SLC5A12: variants seen among roughly 807,000 people sequenced by gnomAD.
The protein encoded by SLC5A12 is sodium-coupled monocarboxylate transporter 2.
In SLC5A12, 46 loss-of-function variants were observed where a neutral mutation model predicts 72.7. The observed-to-expected ratio is 0.63, with a 90% CI of 0.50 to 0.81. The LOEUF is 0.81. Among genes scored for constraint, SLC5A12 ranks in the 30% least tolerant of loss-of-function variants. The pLI is 0.00. For missense variants in SLC5A12, 683 were observed against 740.7 expected (o/e 0.92, Z 0.90); for synonymous variants, 275 against 264.4 (o/e 1.04, Z -0.39).
rs142325334 is a variant in SLC5A12, at chr11:26,674,128, T to C, written c.1580-599A>G. 3.3e-3 allele frequency among the ~76,000 whole-genome samples: 500 copies of C among 151,434 alleles called. 5 individuals are homozygous for C. Among genetic ancestry groups the C allele is most frequent in the African/African-American group, 0.012 (478 of 40,802 alleles). The stretch of plus-strand genomic sequence containing the variant: ...ATCCTGCTGTGGAACAAGAGTCAAA[T>C]TGATATTCAAACCAAGATGTAAAGG... On this transcript the variant is annotated intron_variant, in intron 13 of 14. Transcript: ENST00000396005.
chr11:26,672,695 T>C (rs1398699011), intron 14 of SLC5A12, among the ~76,000 whole-genome samples: 4 of 152,114 alleles, frequency 2.6e-5, no homozygotes, highest in Admixed American at 2.0e-4. Context: ...AAGTCCAATT[T>C]TGTCTAACTA....
At position 26,667,206 on chromosome 11, in the gene SLC5A12, C is replaced by A. The variant is rs1854015018; in HGVS notation, c.*3896G>T. On this transcript the variant is annotated 3_prime_UTR_variant, in exon 15 of 15. Transcript: ENST00000396005. ...TAATTTGCAATATTGAGATTAAGTA[C>A]ATGAGACTTGTAAATATACAAATGT... 1 of 151,808 alleles carries A rather than the reference C, an allele frequency of 6.6e-6. No individual in the cohort carries two copies. Among genetic ancestry groups the A allele is most frequent in the African/African-American group, 2.4e-5 (1 of 41,400 alleles). 9.4% of individuals were successfully genotyped at this position (151,808 alleles called of 1,614,324 possible). A position where few individuals can be genotyped will look rare whatever the true frequency, so the allele number is the denominator to read the frequency against.
chr11:26,689,792 T>C (rs914729641), intron 9 of SLC5A12, among the ~76,000 whole-genome samples: 3 of 152,266 alleles, frequency 2.0e-5, no homozygotes, highest in East Asian at 1.9e-4. Context: ...AAAAATATGA[T>C]GGATTAATGG....
chr11:26,691,463 G>T (rs1249433300), intron 9 of SLC5A12, among the ~76,000 whole-genome samples: 4 of 150,118 alleles, frequency 2.7e-5, no homozygotes, highest in African/African-American at 9.8e-5. Context: ...TTATGTACAT[G>T]TTTTTTTTTG....
intron 2 of SLC5A12, among the ~76,000 whole-genome samples, 190 bp from the exon 3 acceptor site, chr11:26,711,548 G>T (rs1855229828): frequency 6.6e-6 from 1 of 152,086 alleles, no homozygotes; most frequent in African/African-American, 2.4e-5. Flanking sequence ...GTAATCATTA[G>T]ATGGAGGAAG....
intron 11 of SLC5A12, among the ~76,000 whole-genome samples, chr11:26,681,758 A>G (rs1854416287): frequency 1.3e-5 from 2 of 152,132 alleles, no homozygotes; most frequent in East Asian, 1.9e-4. Flanking sequence ...ATAAATAGTG[A>G]AAAGTCAAAG....
chr11:26,668,686 A>C lies in SLC5A12; in HGVS notation c.*2416T>G, dbSNP rs753080965. On this transcript the variant is annotated 3_prime_UTR_variant, in exon 15 of 15. Coordinates refer to ENST00000396005, the MANE Select transcript of SLC5A12 (RefSeq NM_178498.4). Reference sequence around the variant, plus strand: ...TCTACCTGAAACCCTAGATTTATGCATGTTTGTTCAATTAAGAAGAATGGG... The same window carrying C: ...TCTACCTGAAACCCTAGATTTATGCCTGTTTGTTCAATTAAGAAGAATGGG... 6.6e-6 allele frequency: 1 copy of C among 152,038 alleles called. No individual in the cohort carries two copies. The highest frequency in any genetic ancestry group is 1.5e-5 in the Non-Finnish European group (1 of 67,972). 9.4% of individuals were successfully genotyped at this position (152,038 alleles called of 1,614,324 possible).
At chr11:26,678,443 C>T (rs961843698) in intron 13 of SLC5A12, among the ~76,000 whole-genome samples, 9 of 151,770 alleles carry the variant, frequency 5.9e-5, no homozygotes, top group South Asian at 2.1e-4. Flanking sequence ...GCAATGGCAC[C>T]ATCTCAGCTC....
chr11:26,713,265 A>G (rs987032620), intron 1 of SLC5A12, among the ~76,000 whole-genome samples: 10 of 152,044 alleles, frequency 6.6e-5, no homozygotes, highest in South Asian at 2.1e-4. Context: ...CAAACCTTCC[A>G]TTGTCGGATC....
intron 6 of SLC5A12, among the ~76,000 whole-genome samples, chr11:26,699,796 G>A (rs923092247): frequency 9.9e-5 from 15 of 152,052 alleles, no homozygotes; most frequent in African/African-American, 3.6e-4. Flanking sequence ...AATTATTTAT[G>A]TCACTATAGT....
At chr11:26,692,223 G>C (rs780532993) in intron 9 of SLC5A12, 5 of 280,690 alleles carry the variant, frequency 1.8e-5, no homozygotes, top group Non-Finnish European at 6.7e-6. Flanking sequence ...CCCACAGGCC[G>C]TGGGTTGGAT....
intron 8 of SLC5A12, among the ~76,000 whole-genome samples, chr11:26,694,792 C>A (rs140085696): frequency 4.6e-5 from 7 of 152,200 alleles, no homozygotes; most frequent in Non-Finnish European, 7.4e-5. Context: ...AACATCTTTT[C>A]TAAAATTAGC....
chr11:26,699,135 G>A (rs1854898506), intron 6 of SLC5A12, among the ~76,000 whole-genome samples: 1 of 152,154 alleles, frequency 6.6e-6, no homozygotes, highest in African/African-American at 2.4e-5. Flanking sequence ...ATTCCAGTCT[G>A]GGTGTTTTTG....
rs747647348 is a variant in SLC5A12 at position 26,711,298 on chromosome 11, A to T, written c.457+9T>A. The T allele has an allele frequency of 2.5e-6, 4 of 1,610,206 alleles. No homozygotes were observed. Among genetic ancestry groups the T allele is most frequent in the Non-Finnish European group, 3.4e-6 (4 of 1,177,094 alleles). ...GGTAAAATATGCCAAGAGAATGCTGATAACTCACCTTGATTGAGTGCCAGG... is the reference window on the plus strand; with the variant it reads ...GGTAAAATATGCCAAGAGAATGCTGTTAACTCACCTTGATTGAGTGCCAGG... On this transcript the variant is annotated intron_variant, in intron 3 of 14. Transcript: ENST00000396005.
Position 26,669,187 on chromosome 11 carries a change from T to TTTTCTTTCTTTCTTTCTTTCTTTCTTTC in SLC5A12, c.*1887_*1914dup, listed in dbSNP as rs762879641. 2.7e-3 allele frequency: 303 copies of TTTTCTTTCTTTCTTTCTTTCTTTCTTTC among 111,002 alleles called. 2 individuals carry two copies. Among genetic ancestry groups the TTTTCTTTCTTTCTTTCTTTCTTTCTTTC allele is most frequent in the Non-Finnish European group, 4.4e-3 (225 of 50,888 alleles). The allele number at this position is 111,002 out of a possible 1,614,324, so 6.9% of individuals were successfully genotyped here. ...TGTCTTTTTCTTTCTTTCTTTCTTC[T>TTTTCTTTCTTTCTTTCTTTCTTTCTTTC]TTTCTTTCTTTCTTTCTTTCTTTCT... On this transcript the variant is annotated 3_prime_UTR_variant, in exon 15 of 15. Transcript: ENST00000396005.
rs1200616662 is a variant in SLC5A12, at chr11:26,668,856, A to T, written c.*2246T>A. 1 of 152,032 alleles carries T rather than the reference A, an allele frequency of 6.6e-6. No individual in the cohort carries two copies. The highest frequency in any genetic ancestry group is 1.5e-5 in the Non-Finnish European group (1 of 67,974). 9.4% of individuals were successfully genotyped at this position (152,032 alleles called of 1,614,324 possible). A position where few individuals can be genotyped will look rare whatever the true frequency, so the allele number is the denominator to read the frequency against. On this transcript the variant is annotated 3_prime_UTR_variant, in exon 15 of 15. Transcript: ENST00000396005. ...TGACATTTTGATAACACTCCAGGTA[A>T]GATAATTAGGGACTATAAAAGAAGA...
chr11:26,712,734 T>A, intron 1 of SLC5A12, 28 bp from the exon 2 acceptor site: 1 of 1,546,534 alleles, frequency 6.5e-7, no homozygotes, highest in African/African-American at 1.3e-5. Context: ...ACATGCAGAG[T>A]CAGTGAGGTT....
In SLC5A12 at chr11:26,699,689, T is replaced by A. The variant is rs560209563; in HGVS notation, c.822-1154A>T. The stretch of plus-strand genomic sequence containing the variant: ...CTGTCTCCAACCTTCAGGCCAACTC[T>A]ATTCAAGCCTTTGCTCTGGCTGGCT... On this transcript the variant is annotated intron_variant, in intron 6 of 14. Coordinates refer to ENST00000396005, the MANE Select transcript of SLC5A12 (RefSeq NM_178498.4). 9.1e-4 allele frequency among the ~76,000 whole-genome samples: 138 copies of A among 152,340 alleles called. No homozygotes were observed. The South Asian group carries it at 0.012, about 13-fold the overall frequency.
rs942593126 is a variant in SLC5A12, at chr11:26,669,440, C to T, written c.*1662G>A. On this transcript the variant is annotated 3_prime_UTR_variant, in exon 15 of 15. Transcript: ENST00000396005. ...AAAAAATGTTTCCAAAAATTCTGCTCCTTCTCATTTTCAGATATTTCTCCA... is the reference window on the plus strand; with the variant it reads ...AAAAAATGTTTCCAAAAATTCTGCTTCTTCTCATTTTCAGATATTTCTCCA... The T allele has an allele frequency of 6.6e-6, 1 of 151,828 alleles. No homozygotes were observed. Among genetic ancestry groups the T allele is most frequent in the Non-Finnish European group, 1.5e-5 (1 of 67,908 alleles). The allele number at this position is 151,828 out of a possible 1,614,324, so 9.4% of individuals were successfully genotyped here.
Sources: allele counts gnomAD v4.1 joint callset (sites outside exome capture counted in the v4.1 genomes callset), GRCh38; gene constraint gnomAD v4.1.1; transcripts MANE v1.5; gene names NCBI Gene and HGNC (gene_info 2026-07-23, HGNC 2026-07-21).